The following SEZ6L variants were observed in gnomAD, a reference collection of about 807,000 sequenced individuals.
The protein encoded by SEZ6L is seizure 6-like protein.
Under a neutral mutation model 106.2 loss-of-function variants are expected in SEZ6L, and 37 were observed. That is an observed-to-expected ratio of 0.35 (90% CI 0.27 to 0.46). The LOEUF is 0.46. SEZ6L is among the 20% of genes least tolerant of loss of function. The pLI, the probability that SEZ6L is intolerant of heterozygous loss-of-function variation, is 1.00. For synonymous variants in SEZ6L, 541 were observed against 570.4 expected, an observed-to-expected ratio of 0.95 and a Z score of 0.73; for missense variants, 1,172 against 1,332.8, an observed-to-expected ratio of 0.88 and a Z score of 1.88.
chr22:26,203,583 T>A (rs937407427), intron 1 of SEZ6L, among the ~76,000 whole-genome samples: 3 of 152,226 alleles, frequency 2.0e-5, no homozygotes, highest in African/African-American at 7.2e-5. Context: ...AATAAGGATG[T>A]AACAATCACA....
intron 1 of SEZ6L, among the ~76,000 whole-genome samples, chr22:26,265,965 A>C (rs1328442156): frequency 6.6e-6 from 1 of 152,162 alleles, no homozygotes; most frequent in Non-Finnish European, 1.5e-5. Flanking sequence ...ATGTTCCTGA[A>C]AACAAGTCAT....
intron 1 of SEZ6L, among the ~76,000 whole-genome samples, chr22:26,199,137 G>T (rs1384936948): frequency 6.6e-6 from 1 of 152,208 alleles, no homozygotes; most frequent in Admixed American, 6.5e-5. Flanking sequence ...GAATGGAAAA[G>T]GATGGTCCAA....
intron 10 of SEZ6L, among the ~76,000 whole-genome samples, chr22:26,343,868 G>A (rs538150494): frequency 6.6e-5 from 10 of 152,326 alleles, no homozygotes; most frequent in South Asian, 2.1e-4. Context: ...AGCTAATTGC[G>A]ATACCACTCA....
At chr22:26,369,341 C>CATTTTTTTTTTTTTTTTTTTTTTT (rs2083928671) in intron 13 of SEZ6L, among the ~76,000 whole-genome samples, 1 of 103,728 alleles carries the variant, frequency 9.6e-6, no homozygotes, top group Admixed American at 1.1e-4. Flanking sequence ...ATAAGCAGTT[C>CATTTTTTTTTTTTTTTTTTTTTTT]TTTTGTTTTT....
chr22:26,186,500 G>T (rs1227009284), intron 1 of SEZ6L, among the ~76,000 whole-genome samples: 1 of 152,050 alleles, frequency 6.6e-6, no homozygotes, highest in Non-Finnish European at 1.5e-5. Context: ...TAGGGGTGGG[G>T]AGGTTAGTGG....
chr22:26,282,350 G>A (rs762290985), intron 1 of SEZ6L, among the ~76,000 whole-genome samples: 1 of 152,140 alleles, frequency 6.6e-6, no homozygotes, highest in African/African-American at 2.4e-5. Flanking sequence ...ACCCTAGTAC[G>A]TGTCAATGAC....
intron 1 of SEZ6L, among the ~76,000 whole-genome samples, chr22:26,228,186 G>A (rs973018906): frequency 7.2e-5 from 11 of 152,160 alleles, no homozygotes; most frequent in African/African-American, 2.7e-4. Context: ...AAATGAGCAA[G>A]TGCGTGAACA....
In SEZ6L at chr22:26,313,746, CCTGT is replaced by C. The variant is rs770647693; in HGVS notation, c.1877-11_1877-8del. The C allele has an allele frequency of 3.7e-5, 59 of 1,595,818 alleles. No individual in the cohort carries two copies. Among genetic ancestry groups the C allele is most frequent in the South Asian group, 1.1e-5 (1 of 90,584 alleles). On this transcript the variant is annotated splice_polypyrimidine_tract_variant and intron_variant, in intron 8 of 16. Coordinates refer to ENST00000248933, the MANE Select transcript of SEZ6L (RefSeq NM_021115.5). ...TTTACAAATAAAGTCCGTCTTCTTG[CCTGT>C]CTGTCTTTTACAGCCATGTGTGGTG...
intron 1 of SEZ6L, among the ~76,000 whole-genome samples, chr22:26,218,131 T>C (rs1050872980): frequency 1.3e-5 from 2 of 152,244 alleles, no homozygotes; most frequent in African/African-American, 4.8e-5. Context: ...CTCCCATTTA[T>C]TGAGGACATG....
chr22:26,359,678 G>C (rs780461902), intron 12 of SEZ6L, among the ~76,000 whole-genome samples: 51 of 152,068 alleles, frequency 3.4e-4, no homozygotes, highest in Non-Finnish European at 4.6e-4. Context: ...GATGGTGCAC[G>C]CCAGTGGTCC....
chr22:26,231,933 G>T (rs1242550923), intron 1 of SEZ6L, among the ~76,000 whole-genome samples: 1 of 152,314 alleles, frequency 6.6e-6, no homozygotes, highest in East Asian at 1.9e-4. Flanking sequence ...CCTGTGACAT[G>T]AGGGACATGC....
chr22:26,218,836 C>G (rs2078372951), intron 1 of SEZ6L, among the ~76,000 whole-genome samples: 2 of 152,042 alleles, frequency 1.3e-5, no homozygotes, highest in Non-Finnish European at 2.9e-5. Context: ...ACTTGGGAGG[C>G]TGAGGCAGGA....
chr22:26,272,566 C>T (rs2080404388), intron 1 of SEZ6L, among the ~76,000 whole-genome samples: 1 of 152,160 alleles, frequency 6.6e-6, no homozygotes. Flanking sequence ...GCTCCTGGTT[C>T]CACAGCCTCA....
intron 1 of SEZ6L, among the ~76,000 whole-genome samples, chr22:26,249,933 A>T (rs1449194814): frequency 6.6e-6 from 1 of 151,992 alleles, no homozygotes; most frequent in East Asian, 1.9e-4. Context: ...GATGTTGAAC[A>T]TTTTTTCATA....
intron 9 of SEZ6L, among the ~76,000 whole-genome samples, chr22:26,331,033 C>T (rs1270975131): frequency 6.6e-6 from 1 of 152,214 alleles, no homozygotes; most frequent in Non-Finnish European, 1.5e-5. Context: ...GCTTGCTCAT[C>T]ATGTCTTTCT....
chr22:26,253,502 G>C (rs922626198), intron 1 of SEZ6L, among the ~76,000 whole-genome samples: 7 of 152,122 alleles, frequency 4.6e-5, no homozygotes, highest in African/African-American at 1.4e-4. Context: ...TAGAAGAAAA[G>C]ATATCAGGGC....
chr22:26,355,294 A>G (rs1262418617), intron 12 of SEZ6L, among the ~76,000 whole-genome samples: 1 of 152,226 alleles, frequency 6.6e-6, no homozygotes, highest in East Asian at 1.9e-4. Flanking sequence ...GAAGAACAGA[A>G]TTCTAACTCA....
intron 14 of SEZ6L, among the ~76,000 whole-genome samples, chr22:26,374,263 CTT>C (rs112702936): frequency 1.4e-5 from 2 of 141,212 alleles, no homozygotes; most frequent in Non-Finnish European, 1.5e-5. Flanking sequence ...TATATTGTTT[CTT>C]TTTTTTTTTT....
intron 1 of SEZ6L, among the ~76,000 whole-genome samples, chr22:26,201,891 T>C (rs1443824097): frequency 6.6e-6 from 1 of 152,154 alleles, no homozygotes; most frequent in Non-Finnish European, 1.5e-5. Context: ...AGGCAACAGC[T>C]GAGTCAGATT....
Sources: gnomAD v4.1 joint callset for allele counts (sites outside exome capture counted in the v4.1 genomes callset) on GRCh38, gnomAD v4.1.1 for gene constraint, MANE v1.5 for transcripts, NCBI Gene and HGNC (gene_info 2026-07-23, HGNC 2026-07-21) for gene names.